Variants in ATG16L2 observed in about 807,000 individuals in gnomAD.
ATG16L2 encodes autophagy related 16 like 2.
A neutral mutation model predicts 84.7 loss-of-function variants in ATG16L2; 77 were observed. The ratio of observed to expected loss-of-function variants is 0.91; its 90% CI spans 0.76 to 1.10. ATG16L2 has a LOEUF of 1.10. ATG16L2 is among the 50% of genes least tolerant of loss of function. The pLI, the probability that ATG16L2 is intolerant of heterozygous loss-of-function variation, is 0.00. For missense variants in ATG16L2, 782 were observed against 817.6 expected (o/e 0.96, Z 0.53); for synonymous variants, 361 against 342.8 (o/e 1.05, Z -0.59).
At chr11:72,821,542 G>C in intron 3 of ATG16L2, 126 bp from the exon 4 acceptor site, 1 of 1,476,118 alleles carries the variant, frequency 6.8e-7, no homozygotes, top group Admixed American at 2.4e-5. Flanking sequence ...CCTGTGTGGG[G>C]CTCAGCTTGC....
intron 5 of ATG16L2, among the ~76,000 whole-genome samples, chr11:72,839,503 C>T (rs899079857): frequency 2.0e-5 from 3 of 152,044 alleles, no homozygotes; most frequent in Non-Finnish European, 4.4e-5. Flanking sequence ...ATAGCCCAAA[C>T]GAGGGTACTG....
At chr11:72,818,623 C>T (rs1157431193) in intron 3 of ATG16L2, 1 of 152,212 alleles carries the variant, frequency 6.6e-6, no homozygotes, top group Non-Finnish European at 1.5e-5. Context: ...AACATTGTCT[C>T]AGTTAATCCT....
chr11:72,842,588 T>C, intron 5 of ATG16L2: 1 of 1,612,828 alleles, frequency 6.2e-7, no homozygotes, highest in Non-Finnish European at 8.5e-7. Context: ...TCTTTAAACA[T>C]CTTTTAATTC....
chr11:72,837,110 AAT>A (rs1300203402), intron 5 of ATG16L2: 90 of 152,332 alleles, frequency 5.9e-4, no homozygotes, highest in African/African-American at 2.1e-3. Context: ...GAAGATTTTT[AAT>A]ATGTTAGCAA....
At chr11:72,820,826 C>A (rs1367004794) in intron 3 of ATG16L2, among the ~76,000 whole-genome samples, 1 of 152,066 alleles carries the variant, frequency 6.6e-6, no homozygotes, top group Non-Finnish European at 1.5e-5. Flanking sequence ...TCTCTCCCAC[C>A]GACCCTGCTT....
At chr11:72,838,555 T>C in intron 5 of ATG16L2, 1 of 552,688 alleles carries the variant, frequency 1.8e-6, no homozygotes, top group Non-Finnish European at 3.3e-6. Context: ...GCTCCTAGGG[T>C]CCGCTAGGAT....
chr11:72,818,147 C>T (rs779077489), intron 3 of ATG16L2: 8 of 378,106 alleles, frequency 2.1e-5, no homozygotes, highest in South Asian at 3.5e-5. Flanking sequence ...CTCCATGGCT[C>T]ACCCCTCGCC....
At chr11:72,824,442 G>A (rs1022240972) in intron 8 of ATG16L2, 12 of 562,108 alleles carry the variant, frequency 2.1e-5, no homozygotes, top group African/African-American at 3.8e-5. Flanking sequence ...CTCATTCAGA[G>A]TCACAGAGCC....
downstream of ATG16L2, among the ~76,000 whole-genome samples, chr11:72,831,750 C>T (rs1000856149): frequency 1.5e-4 from 23 of 152,220 alleles, no homozygotes; most frequent in African/African-American, 4.6e-4. Context: ...GGTGCCAGGC[C>T]CTGCCCTGCA....
intron 5 of ATG16L2, chr11:72,837,387 A>G (rs1340873683): frequency 6.6e-6 from 1 of 151,972 alleles, no homozygotes; most frequent in Non-Finnish European, 1.5e-5. Flanking sequence ...GTTTTTTAAG[A>G]TTCTTAGGAG....
chr11:72,817,970 A>T (rs528182415), intron 3 of ATG16L2, 115 bp downstream of exon 3: 1 of 929,132 alleles, frequency 1.1e-6, no homozygotes, highest in South Asian at 1.6e-5. Context: ...GCAAGCATTG[A>T]GTGAGCCCTA....
chr11:72,841,434 A>G, intron 5 of ATG16L2: 1 of 1,605,848 alleles, frequency 6.2e-7, no homozygotes, highest in Non-Finnish European at 8.5e-7. Flanking sequence ...ATTTAGACCC[A>G]TGCCCAGGAG....
In ATG16L2 at chr11:72,822,025, C is replaced by G; in HGVS notation, c.393-19C>G. The G allele has an allele frequency of 2.7e-6, 4 of 1,485,610 alleles. No homozygotes were observed. Among genetic ancestry groups the G allele is most frequent in the Non-Finnish European group, 3.5e-6 (4 of 1,133,204 alleles). The allele number at this position is 1,485,610 out of a possible 1,614,324, so 92.0% of individuals were successfully genotyped here. The stretch of plus-strand genomic sequence containing the variant: ...CGGGGGAAGCTTGGGACCCGCTATC[C>G]GCTCTTTCCGTCCTCCAGGCTGGCA... On this transcript the variant is annotated intron_variant, in intron 4 of 17. Transcript: ENST00000321297. The surrounding 1 kb of genome is among the most constrained non-coding windows in gnomAD (Gnocchi z 4.2).
chr11:72,834,580 C>T (rs555774159), downstream of ATG16L2, among the ~76,000 whole-genome samples: 1 of 151,476 alleles, frequency 6.6e-6, no homozygotes, highest in East Asian at 1.9e-4. Context: ...AACCTCATTC[C>T]ATTCCTTTTT....
chr11:72,836,507 T>G (rs56060052), intron 5 of ATG16L2, among the ~76,000 whole-genome samples: 3,487 of 152,224 alleles, frequency 0.023, 46 homozygotes, highest in Non-Finnish European at 0.038. Context: ...TTCTTTTTTT[T>G]CCCATGGGAA....
chr11:72,829,798 A>G (rs569163496), downstream of ATG16L2, among the ~76,000 whole-genome samples: 38 of 152,264 alleles, frequency 2.5e-4, no homozygotes, highest in African/African-American at 8.7e-4. Flanking sequence ...CTAACCATGG[A>G]AACAGCAGGA....
chr11:72,821,791 C>G (rs1311224648), intron 4 of ATG16L2, 50 bp downstream of exon 4: 5 of 1,517,272 alleles, frequency 3.3e-6, no homozygotes, highest in East Asian at 2.5e-5. Context: ...CAGGGAGGCC[C>G]GGGGCCAACT....
At chr11:72,824,203 A>ACCTGTCC (rs1253854800) in intron 8 of ATG16L2, 81 bp downstream of exon 8, 2 of 1,541,208 alleles carry the variant, frequency 1.3e-6, no homozygotes, top group African/African-American at 2.7e-5. Flanking sequence ...CTGTGCCTCG[A>ACCTGTCC]CCTGTCCATC....
At chr11:72,828,836 C>G (rs569100498) in intron 16 of ATG16L2, 47 bp from the exon 17 acceptor site, 1 of 1,613,780 alleles carries the variant, frequency 6.2e-7, no homozygotes, top group Non-Finnish European at 8.5e-7. Flanking sequence ...CTGTGTGTGC[C>G]CTCCCCTCTG....
Sources: gnomAD v4.1 joint callset for allele counts (sites outside exome capture counted in the v4.1 genomes callset) on GRCh38, gnomAD v4.1.1 for gene constraint, Gnocchi (gnomAD v3.1) non-coding constraint, MANE v1.5 for transcripts, NCBI Gene and HGNC (gene_info 2026-07-23, HGNC 2026-07-21) for gene names.